SLC71A2: variants seen among roughly 807,000 people sequenced by gnomAD.
SLC71A2 encodes hippocampus abundant transcript-like 1.
At chr9:94,380,888 A>T in the SLC71A2 span, among the ~76,000 whole-genome samples, 1 of 101,806 alleles carries the variant, frequency 9.8e-6, no homozygotes. Context: ...GTGTTGTGAC[A>T]TATCTATACA....
the SLC71A2 span, chr9:94,374,466 C>G: frequency 1.3e-5 from 2 of 152,404 alleles, no homozygotes; most frequent in African/African-American, 4.8e-5. Flanking sequence ...GTTCTCGAGG[C>G]GGGAGCTGAG....
chr9:94,435,647 C>A, the SLC71A2 span, among the ~76,000 whole-genome samples: 1 of 81,836 alleles, frequency 1.2e-5, no homozygotes, highest in Non-Finnish European at 2.3e-5. Flanking sequence ...CTTTTTCCTT[C>A]TTCTTTTTTT....
chr9:94,460,239 C>CTAAGTAGGATGAGAGTTAGTAACTGGA, the SLC71A2 span: 41 of 152,488 alleles, frequency 2.7e-4, no homozygotes, highest in Non-Finnish European at 4.9e-4. Flanking sequence ...TTGGAAATTC[C>CTAAGTAGGATGAGAGTTAGTAACTGGA]TAAGTAGGAT....
At chr9:94,456,300 T>C in the SLC71A2 span, 1 of 1,614,104 alleles carries the variant, frequency 6.2e-7, no homozygotes, top group South Asian at 1.1e-5. Flanking sequence ...CGGCAATCAG[T>C]GCCCTCGTCT....
At chr9:94,459,191 T>G in the SLC71A2 span, 1 of 1,614,062 alleles carries the variant, frequency 6.2e-7, no homozygotes, top group Non-Finnish European at 8.5e-7. Flanking sequence ...GCCGTTTTTA[T>G]TTGGGGCATG....
the SLC71A2 span, among the ~76,000 whole-genome samples, chr9:94,453,184 CTGTCACCCAGGCTGGAG>C: frequency 0.023 from 3,297 of 142,518 alleles, 111 homozygotes; most frequent in East Asian, 0.11. Flanking sequence ...GAGTCTCGCT[CTGTCACCCAGGCTGGAG>C]TGCAGTGGTA....
At chr9:94,409,980 C>T in the SLC71A2 span, among the ~76,000 whole-genome samples, 4 of 143,826 alleles carry the variant, frequency 2.8e-5, no homozygotes, top group African/African-American at 1.0e-4. Context: ...TGCTGATCTT[C>T]TAATTGTTCT....
At chr9:94,459,262 A>T in the SLC71A2 span, 1 of 1,614,122 alleles carries the variant, frequency 6.2e-7, no homozygotes, top group Non-Finnish European at 8.5e-7. Flanking sequence ...AAGCCAGTGG[A>T]GTTCAAAAAC....
At chr9:94,440,868 C>G in the SLC71A2 span, 4 of 555,872 alleles carry the variant, frequency 7.2e-6, no homozygotes, top group Non-Finnish European at 1.3e-5. Context: ...AGTATACATA[C>G]ATATACAAGT....
the SLC71A2 span, chr9:94,433,090 G>C: frequency 8.9e-6 from 3 of 338,686 alleles, no homozygotes; most frequent in South Asian, 7.8e-5. Context: ...CCAGTAACTT[G>C]GCCTTCCTGC....
the SLC71A2 span, among the ~76,000 whole-genome samples, chr9:94,428,000 T>C: frequency 6.6e-6 from 1 of 151,928 alleles, no homozygotes; most frequent in African/African-American, 2.4e-5. Context: ...CAGGTTCCTG[T>C]AGTCCCAGCT....
At chr9:94,421,354 C>A in the SLC71A2 span, among the ~76,000 whole-genome samples, 1 of 152,152 alleles carries the variant, frequency 6.6e-6, no homozygotes, top group Non-Finnish European at 1.5e-5. Context: ...CTCCCAGAAA[C>A]AATCCTAAGT....
chr9:94,411,402 G>T, the SLC71A2 span, among the ~76,000 whole-genome samples: 1 of 149,730 alleles, frequency 6.7e-6, no homozygotes, highest in Non-Finnish European at 1.5e-5. Context: ...TGTGGCAAAT[G>T]ATCTCTGTCT....
the SLC71A2 span, among the ~76,000 whole-genome samples, chr9:94,385,809 T>G: frequency 6.6e-6 from 1 of 152,032 alleles, no homozygotes; most frequent in East Asian, 1.9e-4. Context: ...TTTTCAAGAC[T>G]GTTTTGGCTG....
chr9:94,446,605 T>G, the SLC71A2 span, among the ~76,000 whole-genome samples: 1 of 152,322 alleles, frequency 6.6e-6, no homozygotes, highest in African/African-American at 2.4e-5. Flanking sequence ...TGGGTTTATT[T>G]TTTTGCTTTT....
chr9:94,458,664 T>TA, the SLC71A2 span, among the ~76,000 whole-genome samples: 50,433 of 152,078 alleles, frequency 0.33, 8,602 homozygotes, highest in Admixed American at 0.45. Flanking sequence ...AGATATGTCT[T>TA]AACTTTGTTC....
chr9:94,387,120 G>C, the SLC71A2 span, among the ~76,000 whole-genome samples: 2 of 151,950 alleles, frequency 1.3e-5, no homozygotes, highest in Admixed American at 6.6e-5. Context: ...TTTTTGTGGA[G>C]AACACTCTCA....
chr9:94,379,112 G>T, the SLC71A2 span, among the ~76,000 whole-genome samples: 23 of 82,398 alleles, frequency 2.8e-4, no homozygotes, highest in South Asian at 1.2e-3. Context: ...TTGAGACGGA[G>T]TTTCACTGTT....
At chr9:94,414,231 A>G in the SLC71A2 span, among the ~76,000 whole-genome samples, 1 of 152,144 alleles carries the variant, frequency 6.6e-6, no homozygotes, top group Non-Finnish European at 1.5e-5. Flanking sequence ...TTGTATTTTT[A>G]AAAAGTTCAC....
Sources: allele counts gnomAD v4.1 joint callset (sites outside exome capture counted in the v4.1 genomes callset), GRCh38; gene constraint gnomAD v4.1.1; transcripts MANE v1.5; gene names NCBI Gene and HGNC (gene_info 2026-07-23, HGNC 2026-07-21).